The following TRPC1 variants were observed in gnomAD, a reference collection of about 807,000 sequenced individuals.
TRPC1 encodes the protein transient receptor potential cation channel subfamily C member 1, also known as short transient receptor potential channel 1.
TRPC1 carries 42 observed loss-of-function variants against 88.2 expected under a neutral mutation model. That is an observed-to-expected ratio of 0.48 (90% confidence interval 0.37 to 0.62). TRPC1 has a LOEUF of 0.62. Among genes scored for constraint, TRPC1 ranks in the 20% least tolerant of loss-of-function variants. The pLI is 0.00. For synonymous variants in TRPC1, 288 were observed against 331.8 expected, an observed-to-expected ratio of 0.87 and a Z score of 1.43; for missense variants, 699 against 957.3, an observed-to-expected ratio of 0.73 and a Z score of 3.56.
chr3:142,777,849 T>C (rs1457568840), intron 5 of TRPC1, 86 bp downstream of exon 5: 3 of 1,386,752 alleles, frequency 2.2e-6, no homozygotes, highest in Non-Finnish European at 2.9e-6. Flanking sequence ...AATTTGTATA[T>C]ATTTACATTT....
chr3:142,760,793 C>T (rs999818456), intron 4 of TRPC1, among the ~76,000 whole-genome samples: 2 of 151,900 alleles, frequency 1.3e-5, no homozygotes, highest in Non-Finnish European at 2.9e-5. Flanking sequence ...CTAGATCTTT[C>T]ACTTCTTTGG....
chr3:142,757,667 A>G (rs1935025854), intron 4 of TRPC1, among the ~76,000 whole-genome samples: 2 of 152,052 alleles, frequency 1.3e-5, no homozygotes, highest in Non-Finnish European at 2.9e-5. Context: ...AAGGGGAGGG[A>G]TAGCATTAGG....
chr3:142,784,690 T>C lies in TRPC1; in HGVS notation c.961-14T>C. On this transcript the variant is annotated splice_polypyrimidine_tract_variant and intron_variant, in intron 6 of 12. Transcript: ENST00000476941. Reference sequence around the variant, plus strand: ...ACTTTTTTTCTTTTTAATGTGTGTGTATGTCCTTTTCAGTTTGTCTCCCAG... The same window carrying C: ...ACTTTTTTTCTTTTTAATGTGTGTGCATGTCCTTTTCAGTTTGTCTCCCAG... 3 of 1,597,704 alleles carry C rather than the reference T, an allele frequency of 1.9e-6. No individual in the cohort carries two copies. Among genetic ancestry groups the C allele is most frequent in the East Asian group, 2.2e-5 (1 of 44,740 alleles).
In TRPC1 at chr3:142,724,734, G is replaced by A. The variant is rs1383690886; in HGVS notation, c.172+3G>A. On this transcript the variant is annotated splice_donor_region_variant and intron_variant, in intron 1 of 12. Coordinates refer to ENST00000476941, the MANE Select transcript of TRPC1 (RefSeq NM_001251845.2). This position sits in a 1 kb window ranked among gnomAD's most constrained non-coding sequence, Gnocchi z 5.6. ...TTTCTTGCTGGCGTGCGACAAGGGT[G>A]AGAGTTAGGCCCCTTTCTCCTCTGG... 6.4e-7 allele frequency: 1 copy of A among 1,573,710 alleles called. No individual in the cohort carries two copies. The highest frequency in any genetic ancestry group is 1.4e-5 in the African/African-American group (1 of 72,910).
In TRPC1 at chr3:142,804,179, G is replaced by GT; in HGVS notation, c.1959+2dup. On this transcript the variant is annotated splice_donor_variant, in intron 11 of 12. Coordinates refer to ENST00000476941, the MANE Select transcript of TRPC1 (RefSeq NM_001251845.2). LOFTEE classifies it high-confidence loss of function. ...TCATAAAAGCTTTCAGTTGATAGCA[G>GT]TAAGTTCATTCTTTTAAAAACTTTA... The GT allele has an allele frequency of 6.2e-7, 1 of 1,613,716 alleles. No homozygotes were observed. The highest frequency in any genetic ancestry group is 8.5e-7 in the Non-Finnish European group (1 of 1,179,792).
intron 2 of TRPC1, among the ~76,000 whole-genome samples, chr3:142,739,661 T>C (rs1310344597): frequency 6.6e-6 from 1 of 152,162 alleles, no homozygotes; most frequent in East Asian, 1.9e-4. Flanking sequence ...TATCATTACA[T>C]GATTTTCGAG....
chr3:142,739,876 AT>A (rs1934280463), intron 2 of TRPC1, among the ~76,000 whole-genome samples: 1 of 152,186 alleles, frequency 6.6e-6, no homozygotes, highest in Admixed American at 6.5e-5. Context: ...AAAGGCAGAT[AT>A]GAGTCCATGG....
In TRPC1 at chr3:142,780,971, T is replaced by C. The variant is rs1158314778; in HGVS notation, c.902T>C (p.Leu301Ser). 9 of 1,613,712 alleles carry C rather than the reference T, an allele frequency of 5.6e-6. No individual in the cohort carries two copies. Among genetic ancestry groups the C allele is most frequent in the Non-Finnish European group, 7.6e-6 (9 of 1,179,826 alleles). Residue 301 changes from leucine to serine, a missense_variant, in exon 6 of 13, where the codon TTA (leucine) becomes TCA (serine). Leu to Ser is a moderately radical substitution (Grantham distance 145). Coordinates refer to ENST00000476941, the MANE Select transcript of TRPC1 (RefSeq NM_001251845.2). The part of the protein sequence containing the change: ...SDEPLDKRGL[L>S]EERMNLSRLK... ...GAGCCTCTTGACAAACGGGGATTATTAGAAGAAAGAATGAATTTAAGTCGT... is the reference window on the plus strand; with the variant it reads ...GAGCCTCTTGACAAACGGGGATTATCAGAAGAAAGAATGAATTTAAGTCGT...
intron 7 of TRPC1, among the ~76,000 whole-genome samples, chr3:142,788,926 G>A (rs1936214169): frequency 6.6e-6 from 1 of 152,024 alleles, no homozygotes; most frequent in Non-Finnish European, 1.5e-5. Context: ...CTAACCAATT[G>A]GTCTTCACTG....
At position 142,780,422 on chromosome 3, in the gene TRPC1, T is replaced by C. The variant is rs6806564; in HGVS notation, c.765-412T>C. Among the ~76,000 whole-genome samples, 1,515 of 152,304 alleles carry C rather than the reference T, an allele frequency of 9.9e-3. 38 individuals carry two copies. Among genetic ancestry groups the C allele is most frequent in the East Asian group, 0.09 (465 of 5,186 alleles). On this transcript the variant is annotated intron_variant, in intron 5 of 12. Transcript: ENST00000476941. ...TTGAAAAAGCTCTAGTTAAAAATTT[T>C]ATGATAATGATTGGATAGCATTAAG...
At chr3:142,797,161 GT>G (rs1337948030) in intron 9 of TRPC1, among the ~76,000 whole-genome samples, 1 of 148,810 alleles carries the variant, frequency 6.7e-6, no homozygotes, top group African/African-American at 2.5e-5. Context: ...GAGAAACTAA[GT>G]GGAAAAAAGG....
chr3:142,730,950 C>T (rs1225330617), intron 1 of TRPC1, among the ~76,000 whole-genome samples: 2 of 152,154 alleles, frequency 1.3e-5, no homozygotes, highest in African/African-American at 2.4e-5. Flanking sequence ...AACATTGATA[C>T]TCTCTTTGCC....
intron 6 of TRPC1, 31 bp downstream of exon 6, chr3:142,781,060 A>G: frequency 2.6e-6 from 4 of 1,562,040 alleles, no homozygotes; most frequent in Non-Finnish European, 3.5e-6. Flanking sequence ...TATTTAAATT[A>G]TTTTCTCTAC....
At chr3:142,778,001 C>G (rs1935840302) in intron 5 of TRPC1, among the ~76,000 whole-genome samples, 1 of 152,142 alleles carries the variant, frequency 6.6e-6, no homozygotes, top group Non-Finnish European at 1.5e-5. Context: ...AATCTCTTCC[C>G]CACTTTTCAA....
chr3:142,743,570 C>G lies in TRPC1; in HGVS notation c.413C>G (p.Ser138Ter). Residue 138 changes from serine (S) to a stop codon, truncating the protein, a stop_gained, in exon 3 of 13, where the codon TCA becomes TGA. Coordinates refer to ENST00000476941, the MANE Select transcript of TRPC1 (RefSeq NM_001251845.2). LOFTEE classifies it high-confidence loss of function. ...CTTAATCATCGACCAAAACGATCAT[C>G]AAGACCAACTATAGTAGTTAGTACT... ...ILLNHRPKRSSRPTIVKLMER... is the reference protein window; with the variant it reads ...ILLNHRPKRS The G allele has an allele frequency of 1.3e-6, 2 of 1,523,490 alleles. No individual in the cohort carries two copies. Among genetic ancestry groups the G allele is most frequent in the Non-Finnish European group, 1.8e-6 (2 of 1,141,414 alleles). The allele number at this position is 1,523,490 out of a possible 1,614,324, so 94.4% of individuals were successfully genotyped here. A position where few individuals can be genotyped will look rare whatever the true frequency, so the allele number is the denominator to read the frequency against.
chr3:142,767,425 T>C lies in TRPC1; in HGVS notation c.633-10207T>C, dbSNP rs369586724. On this transcript the variant is annotated intron_variant, in intron 4 of 12. Transcript: ENST00000476941. The surrounding 1 kb of genome is among the most constrained non-coding windows in gnomAD (Gnocchi z 5.1). ...TCTGTGGTTTGCCTTCTCATTCTTA[T>C]GATCCACAGAGTATTTTAAAACTTG... Among the ~76,000 whole-genome samples the C allele has an allele frequency of 6.6e-6, 1 of 151,812 alleles. No individual in the cohort carries two copies. The highest frequency in any genetic ancestry group is 1.5e-5 in the Non-Finnish European group (1 of 67,870).
chr3:142,796,829 G>A (rs1471071878), intron 9 of TRPC1, among the ~76,000 whole-genome samples: 1 of 152,070 alleles, frequency 6.6e-6, no homozygotes, highest in Non-Finnish European at 1.5e-5. Flanking sequence ...GAGTGGAGTG[G>A]ATTGAGGAGG....
At chr3:142,746,060 GC>G (rs1409628392) in intron 3 of TRPC1, among the ~76,000 whole-genome samples, 1 of 152,106 alleles carries the variant, frequency 6.6e-6, no homozygotes, top group Non-Finnish European at 1.5e-5. Flanking sequence ...TATCTTGATA[GC>G]CCTTTTACTT....
intron 9 of TRPC1, among the ~76,000 whole-genome samples, chr3:142,794,990 GT>G (rs1460430347): frequency 6.6e-6 from 1 of 151,924 alleles, no homozygotes; most frequent in East Asian, 1.9e-4. Context: ...AAAGTTTAAA[GT>G]TTAGTAGAGA....
Sources: gnomAD v4.1 joint callset for allele counts (sites outside exome capture counted in the v4.1 genomes callset) on GRCh38, gnomAD v4.1.1 for gene constraint, Gnocchi (gnomAD v3.1) non-coding constraint, MANE v1.5 for transcripts, NCBI Gene and HGNC (gene_info 2026-07-23, HGNC 2026-07-21) for gene names.